ADAMTS19: variants seen among roughly 807,000 people sequenced by gnomAD.
The protein encoded by ADAMTS19 is ADAM metallopeptidase with thrombospondin type 1 motif 19, also known as A disintegrin and metalloproteinase with thrombospondin motifs 19.
A neutral mutation model predicts 153.3 loss-of-function variants in ADAMTS19; 93 were observed. The ratio of observed to expected loss-of-function variants is 0.61; its 90% CI spans 0.51 to 0.72. ADAMTS19 has a LOEUF of 0.72. Among genes scored for constraint, ADAMTS19 ranks in the 30% least tolerant of loss-of-function variants. ADAMTS19 has a pLI of 0.00. For missense variants in ADAMTS19, 1,482 were observed against 1,552.1 expected (o/e 0.95, Z 0.76); for synonymous variants, 600 against 556.6 (o/e 1.08, Z -1.10).
intron 2 of ADAMTS19, among the ~76,000 whole-genome samples, chr5:129,469,082 T>C (rs992386554): frequency 8.5e-5 from 13 of 152,084 alleles, no homozygotes. Context: ...AGGCCATCTT[T>C]TACTTATTTT....
Position 129,622,314 on chromosome 5 carries a change from T to A in ADAMTS19, c.1736T>A (p.Phe579Tyr). 1 of 1,614,104 alleles carries A rather than the reference T, an allele frequency of 6.2e-7. No individual in the cohort carries two copies. The highest frequency in any genetic ancestry group is 8.5e-7 in the Non-Finnish European group (1 of 1,179,988). Residue 579 changes from phenylalanine to tyrosine, a missense_variant, in exon 10 of 23, where the codon TTT (phenylalanine) becomes TAT (tyrosine). By Grantham distance (22) the Phe-to-Tyr change is conservative (BLOSUM62 3). Transcript: ENST00000274487. ...YTADEQCQIL[F>Y]GPLASFCQEM... The stretch of plus-strand genomic sequence containing the variant: ...GCTGATGAACAATGCCAGATCCTTT[T>A]TGGGCCATTGGCTTCTTTTTGTCAG...
At chr5:129,678,987 C>T (rs1320734964) in intron 16 of ADAMTS19, among the ~76,000 whole-genome samples, 2 of 152,044 alleles carry the variant, frequency 1.3e-5, no homozygotes, top group Non-Finnish European at 2.9e-5. Flanking sequence ...TTAAATTAAA[C>T]ACTAAATCAT....
At chr5:129,618,572 TA>T (rs1262862322) in intron 8 of ADAMTS19, among the ~76,000 whole-genome samples, 3 of 152,086 alleles carry the variant, frequency 2.0e-5, no homozygotes, top group African/African-American at 7.2e-5. Context: ...ATCTTAAAAA[TA>T]TAGTTTGGTA....
chr5:129,487,813 TA>T (rs1437635210), intron 2 of ADAMTS19, among the ~76,000 whole-genome samples: 1 of 152,146 alleles, frequency 6.6e-6, no homozygotes, highest in Admixed American at 6.5e-5. Flanking sequence ...ATTAAGAATC[TA>T]ATTCAGCAAA....
intron 7 of ADAMTS19, among the ~76,000 whole-genome samples, chr5:129,590,150 T>C (rs1750036850): frequency 6.6e-6 from 1 of 152,154 alleles, no homozygotes; most frequent in South Asian, 2.1e-4. Context: ...TACTCACCAG[T>C]ACCTGTACTC....
chr5:129,560,475 G>T (rs1037247888), intron 7 of ADAMTS19, among the ~76,000 whole-genome samples: 74 of 152,150 alleles, frequency 4.9e-4, no homozygotes, highest in African/African-American at 1.7e-3. Context: ...GAACATTTTG[G>T]ATCTGAGATT....
At chr5:129,482,001 T>TGAG (rs2126672239) in intron 2 of ADAMTS19, among the ~76,000 whole-genome samples, 2 of 152,326 alleles carry the variant, frequency 1.3e-5, no homozygotes, top group African/African-American at 4.8e-5. Flanking sequence ...TGCACCTGCA[T>TGAG]GCATTGCCTT....
intron 6 of ADAMTS19, among the ~76,000 whole-genome samples, chr5:129,542,708 T>G (rs1752698398): frequency 6.6e-6 from 1 of 152,158 alleles, no homozygotes; most frequent in Non-Finnish European, 1.5e-5. Context: ...CCCTCTAATT[T>G]TGGTACATAT....
chr5:129,509,002 T>G, intron 2 of ADAMTS19, 75 bp from the exon 3 acceptor site: 1 of 1,248,220 alleles, frequency 8.0e-7, no homozygotes. Context: ...AAAAACAGAA[T>G]GTATGAATGG....
chr5:129,600,736 A>T (rs945737265), intron 8 of ADAMTS19, among the ~76,000 whole-genome samples: 2 of 152,200 alleles, frequency 1.3e-5, no homozygotes, highest in African/African-American at 4.8e-5. Context: ...TTATCAACTT[A>T]TAAATATATA....
At position 129,531,623 on chromosome 5, in the gene ADAMTS19, TCAAA is replaced by T. The variant is rs757958952; in HGVS notation, c.1328+2967_1328+2970del. ...CTGGGCGACTGAGCAAGACTCTGTC[TCAAA>T]CAAACAAACAAACAAACAAAAAAAC... On this transcript the variant is annotated intron_variant, in intron 6 of 22. Coordinates refer to ENST00000274487, the MANE Select transcript of ADAMTS19 (RefSeq NM_133638.6). 7.9e-5 allele frequency among the ~76,000 whole-genome samples: 12 copies of T among 152,130 alleles called. No homozygotes were observed. In the South Asian group the frequency reaches 1.7e-3, roughly 21 times the overall value.
At chr5:129,465,030 G>A (rs969608941) in intron 2 of ADAMTS19, among the ~76,000 whole-genome samples, 1 of 152,112 alleles carries the variant, frequency 6.6e-6, no homozygotes, top group African/African-American at 2.4e-5. Flanking sequence ...TAACTTGCCA[G>A]TTACCAATGA....
chr5:129,654,194 T>G lies in ADAMTS19; in HGVS notation c.2177-112T>G. On this transcript the variant is annotated intron_variant, in intron 13 of 22. Transcript: ENST00000274487. ...TCTACTCTAACATTACATTACTTAA[T>G]TAGCATTGAATTATATTTTTTACTC... 3 of 1,002,862 alleles carry G rather than the reference T, an allele frequency of 3.0e-6. No individual in the cohort carries two copies. The South Asian group carries it at 5.9e-5, about 20-fold the overall frequency. The allele number at this position is 1,002,862 out of a possible 1,614,324, so 62.1% of individuals were successfully genotyped here.
chr5:129,726,196 C>T (rs774270956), intron 21 of ADAMTS19, among the ~76,000 whole-genome samples: 14 of 152,068 alleles, frequency 9.2e-5, no homozygotes, highest in South Asian at 8.3e-4. Context: ...AATTAAATCT[C>T]GTACATGGAG....
At chr5:129,668,422 C>A (rs1385010006) in intron 16 of ADAMTS19, among the ~76,000 whole-genome samples, 2 of 152,102 alleles carry the variant, frequency 1.3e-5, no homozygotes, top group Admixed American at 6.6e-5. Context: ...CCAGGAAGTC[C>A]AAGATCAAGG....
chr5:129,669,019 C>T (rs932337079), intron 16 of ADAMTS19, among the ~76,000 whole-genome samples: 11 of 151,782 alleles, frequency 7.2e-5, no homozygotes, highest in East Asian at 3.9e-4. Context: ...TAAAACAGTA[C>T]GATCCTGGCA....
chr5:129,509,233 A>C lies in ADAMTS19; in HGVS notation c.904A>C (p.Ile302Leu), dbSNP rs750961508. 3 of 1,609,774 alleles carry C rather than the reference A, an allele frequency of 1.9e-6. No homozygotes were observed. In the South Asian group the frequency reaches 3.3e-5, roughly 18 times the overall value. ...AGCTCTTCACAGTCATTACTGTGGT[A>C]TCATTTCAGGTAAATGCCTTCTCCT... ...KSALHSHYCGIISDKGRPRSR... is the reference protein window; with the variant it reads ...KSALHSHYCGLISDKGRPRSR... The change falls in exon 3 of 23, where the codon ATC becomes CTC. Residue 302 changes from isoleucine (I) to leucine (L), a missense_variant. Physicochemically the swap from Ile to Leu is conservative, Grantham distance 5. Around this residue, in one of 2 missense-constraint regions of ADAMTS19, gnomAD observed 866 missense variants for 827.7 expected, o/e 1.05. Transcript: ENST00000274487.
At chr5:129,658,542 G>A in intron 14 of ADAMTS19, 75 bp from the exon 15 acceptor site, 1 of 1,487,120 alleles carries the variant, frequency 6.7e-7, no homozygotes, top group Non-Finnish European at 9.2e-7. Flanking sequence ...ATAGAGACTA[G>A]GTTTGTCCCA....
intron 8 of ADAMTS19, among the ~76,000 whole-genome samples, chr5:129,619,627 G>A (rs1751686283): frequency 6.6e-6 from 1 of 152,040 alleles, no homozygotes; most frequent in African/African-American, 2.4e-5. Flanking sequence ...TCTCACTGGA[G>A]CAGGGTAGGA....
Sources: gnomAD v4.1 joint callset for allele counts (sites outside exome capture counted in the v4.1 genomes callset) on GRCh38, gnomAD v4.1.1 for gene constraint, gnomAD v4.1.1 regional missense constraint, MANE v1.5 for transcripts, NCBI Gene and HGNC (gene_info 2026-07-23, HGNC 2026-07-21) for gene names.